NALCN: variants seen among roughly 807,000 people sequenced by gnomAD.
NALCN encodes sodium leak channel, non-selective.
Under a neutral mutation model 225.3 loss-of-function variants are expected in NALCN, and 111 were observed. The ratio of observed to expected loss-of-function variants is 0.49; its 90% CI spans 0.42 to 0.58. NALCN has a LOEUF of 0.58. Ranked by LOEUF, NALCN falls within the 20% of genes least tolerant of loss-of-function variation. The probability of loss-of-function intolerance (pLI) is 0.00; values close to 1 mark genes in which losing one functional copy is unlikely to be tolerated. For synonymous variants in NALCN, 764 were observed against 769.0 expected, an observed-to-expected ratio of 0.99 and a Z score of 0.11; for missense variants, 1,378 against 2,202.4, an observed-to-expected ratio of 0.63 and a Z score of 7.49.
intron 15 of NALCN, among the ~76,000 whole-genome samples, chr13:101,164,756 AAC>A (rs886108666): frequency 4.2e-4 from 64 of 152,338 alleles, no homozygotes; most frequent in African/African-American, 1.4e-3. Context: ...TAAAAAGTCT[AAC>A]ATTTATTATA....
intron 35 of NALCN, 54 bp from the exon 36 acceptor site, chr13:101,074,716 GAGAC>G: frequency 3.4e-6 from 5 of 1,481,288 alleles, no homozygotes; most frequent in South Asian, 2.7e-5. Flanking sequence ...GAGAGAGACA[GAGAC>G]AGAGAGAGAG....
At chr13:101,298,191 A>G (rs1342616286) in intron 7 of NALCN, among the ~76,000 whole-genome samples, 1 of 152,246 alleles carries the variant, frequency 6.6e-6, no homozygotes, top group African/African-American at 2.4e-5. Context: ...TGGTGGTCAA[A>G]TAAGAGCTTG....
intron 15 of NALCN, among the ~76,000 whole-genome samples, chr13:101,152,504 T>C (rs1463781721): frequency 6.6e-6 from 1 of 152,148 alleles, no homozygotes; most frequent in Non-Finnish European, 1.5e-5. Flanking sequence ...AAGCTTTAAA[T>C]GTCCTTCAGA....
intron 18 of NALCN, among the ~76,000 whole-genome samples, chr13:101,116,037 T>A (rs1023748192): frequency 2.0e-5 from 3 of 152,134 alleles, no homozygotes; most frequent in African/African-American, 7.2e-5. Flanking sequence ...TTTATTCCTG[T>A]TCCCTGGAGG....
chr13:101,092,687 T>A, intron 28 of NALCN, among the ~76,000 whole-genome samples: 1 of 152,156 alleles, frequency 6.6e-6, no homozygotes, highest in Non-Finnish European at 1.5e-5. Context: ...GAGGCAGGTA[T>A]ATGATGAAGC....
chr13:101,174,919 A>G (rs2139931963), intron 15 of NALCN, among the ~76,000 whole-genome samples: 1 of 152,366 alleles, frequency 6.6e-6, no homozygotes, highest in East Asian at 1.9e-4. Flanking sequence ...TTTGTAAAGC[A>G]TGGACTAAAG....
chr13:101,399,212 C>A, intron 1 of NALCN, 47 bp from the exon 2 acceptor site: 2 of 1,489,010 alleles, frequency 1.3e-6, no homozygotes, highest in Non-Finnish European at 1.8e-6. Context: ...ATCTTGCCCT[C>A]ATCAAAAAAT....
chr13:101,086,176 C>T (rs2033920755), intron 30 of NALCN, among the ~76,000 whole-genome samples: 1 of 151,842 alleles, frequency 6.6e-6, no homozygotes, highest in Admixed American at 6.6e-5. Context: ...TCCTTACTTT[C>T]TGTATCATTA....
chr13:101,411,638 G>A (rs1342275468), intron 1 of NALCN, among the ~76,000 whole-genome samples: 1 of 152,132 alleles, frequency 6.6e-6, no homozygotes, highest in East Asian at 1.9e-4. Flanking sequence ...GTGAGCCACC[G>A]CGCCCGGCCA....
At chr13:101,215,485 G>T (rs1032578067) in intron 13 of NALCN, among the ~76,000 whole-genome samples, 3 of 152,060 alleles carry the variant, frequency 2.0e-5, no homozygotes, top group Non-Finnish European at 4.4e-5. Flanking sequence ...TGTGCTCTCA[G>T]CTCAGAGTCT....
At chr13:101,119,274 A>G (rs2035859367) in intron 18 of NALCN, among the ~76,000 whole-genome samples, 1 of 152,208 alleles carries the variant, frequency 6.6e-6, no homozygotes, top group South Asian at 2.1e-4. Context: ...ATAAGAGAAA[A>G]ACTATCTCTA....
intron 7 of NALCN, among the ~76,000 whole-genome samples, chr13:101,319,311 T>A (rs1167576927): frequency 1.3e-5 from 2 of 152,174 alleles, no homozygotes; most frequent in Non-Finnish European, 2.9e-5. Context: ...CACCTATTGT[T>A]CTTGGCCCCT....
chr13:101,278,474 G>C (rs1408328852), intron 10 of NALCN, among the ~76,000 whole-genome samples: 1 of 134,222 alleles, frequency 7.5e-6, no homozygotes, highest in Non-Finnish European at 1.5e-5. Flanking sequence ...AATGAGCCAA[G>C]ATTGTGCCAC....
At chr13:101,134,047 G>A (rs2036644033) in intron 17 of NALCN, among the ~76,000 whole-genome samples, 1 of 152,156 alleles carries the variant, frequency 6.6e-6, no homozygotes, top group South Asian at 2.1e-4. Context: ...GCGGGCGCCT[G>A]TAGTCCCAGC....
chr13:101,224,937 C>T (rs927053504), intron 13 of NALCN, among the ~76,000 whole-genome samples: 2 of 152,132 alleles, frequency 1.3e-5, no homozygotes, highest in African/African-American at 4.8e-5. Flanking sequence ...CTCTGACCAT[C>T]AAAGTAGCCA....
chr13:101,108,215 C>T (rs886672186), intron 20 of NALCN, among the ~76,000 whole-genome samples: 20 of 150,938 alleles, frequency 1.3e-4, no homozygotes, highest in Non-Finnish European at 2.1e-4. Context: ...AATATGTATA[C>T]GATTAAATGT....
At chr13:101,087,782 T>C (rs1381152231) in intron 30 of NALCN, among the ~76,000 whole-genome samples, 1 of 152,216 alleles carries the variant, frequency 6.6e-6, no homozygotes, top group Non-Finnish European at 1.5e-5. Context: ...ATTATACATT[T>C]ATTTCCAGTT....
chr13:101,078,010 A>G (rs2033371067), intron 34 of NALCN, among the ~76,000 whole-genome samples: 1 of 152,228 alleles, frequency 6.6e-6, no homozygotes, highest in Non-Finnish European at 1.5e-5. Flanking sequence ...CTGATGCTTC[A>G]AAGAGTGCAA....
Position 101,068,887 on chromosome 13 carries a change from A to G in NALCN, c.4198-60T>C, listed in dbSNP as rs1252168992. The G allele has an allele frequency of 2.7e-6, 4 of 1,492,372 alleles. No individual in the cohort carries two copies. In the East Asian group the frequency reaches 7.2e-5, roughly 27 times the overall value. The allele number at this position is 1,492,372 out of a possible 1,614,324, so 92.4% of individuals were successfully genotyped here. Reference sequence around the variant, plus strand: ...AGAGTAGAGAATACAAATTTCTTTTAGCTGACTATAGTTAATGAATAGATT... The same window carrying G: ...AGAGTAGAGAATACAAATTTCTTTTGGCTGACTATAGTTAATGAATAGATT... On this transcript the variant is annotated intron_variant, in intron 37 of 43. Coordinates refer to ENST00000251127, the MANE Select transcript of NALCN (RefSeq NM_052867.4).
Sources: allele counts gnomAD v4.1 joint callset (sites outside exome capture counted in the v4.1 genomes callset), GRCh38; gene constraint gnomAD v4.1.1; transcripts MANE v1.5; gene names NCBI Gene and HGNC (gene_info 2026-07-23, HGNC 2026-07-21).